The following MYBPC3 variants were observed in gnomAD, a reference collection of about 807,000 sequenced individuals.
The protein encoded by MYBPC3 is myosin binding protein C3, also known as myosin-binding protein C, cardiac-type.
A neutral mutation model predicts 159.3 loss-of-function variants in MYBPC3; 108 were observed. That is an observed-to-expected ratio of 0.68 (90% CI 0.58 to 0.80). The LOEUF (loss-of-function observed/expected upper bound fraction) is 0.80, where lower values mean the gene tolerates loss of function less well. MYBPC3 is among the 30% of genes least tolerant of loss of function. The probability of loss-of-function intolerance (pLI) is 0.00; values close to 1 mark genes in which losing one functional copy is unlikely to be tolerated. For synonymous variants in MYBPC3, 730 were observed against 702.0 expected, an observed-to-expected ratio of 1.04 and a Z score of -0.63; for missense variants, 1,631 against 1,762.1, an observed-to-expected ratio of 0.93 and a Z score of 1.33.
Position 47,341,196 on chromosome 11 carries a change from G to A in MYBPC3, c.1839C>T (p.Asp613=). 1.9e-6 allele frequency: 3 copies of A among 1,596,342 alleles called. No individual in the cohort carries two copies. The highest frequency in any genetic ancestry group is 1.3e-5 in the African/African-American group (1 of 74,546). Reference sequence around the variant, plus strand: ...CGAAGCCCTCGGGCACAAAGCTGTAGTCAGCCTCGTCGGCAGGTGTGACGT... The same window carrying A: ...CGAAGCCCTCGGGCACAAAGCTGTAATCAGCCTCGTCGGCAGGTGTGACGT... The part of the protein sequence containing the change: ...IDDVTPADEA[D]YSFVPEGFAC... Residue 613 remains aspartate (D), a synonymous_variant, in exon 19 of 35, where the codon GAC becomes GAT. Transcript: ENST00000545968.
chr11:47,346,557 G>T lies in MYBPC3; in HGVS notation c.926+70C>A. 1 of 1,522,862 alleles carries T rather than the reference G, an allele frequency of 6.6e-7. No homozygotes were observed. Among genetic ancestry groups the T allele is most frequent in the Non-Finnish European group, 8.9e-7 (1 of 1,126,976 alleles). The allele number at this position is 1,522,862 out of a possible 1,614,324, so 94.3% of individuals were successfully genotyped here. A position where few individuals can be genotyped will look rare whatever the true frequency, so the allele number is the denominator to read the frequency against. On this transcript the variant is annotated intron_variant, in intron 11 of 34. Coordinates refer to ENST00000545968, the MANE Select transcript of MYBPC3 (RefSeq NM_000256.3). The surrounding 1 kb of genome is among the most constrained non-coding windows in gnomAD (Gnocchi z 5.3). ...TGGGGGCCAAGGGAGCTGAAGAGGG[G>T]CTGGGGATCTGGAGGGGCTCCTGGC...
chr11:47,347,562 G>C, intron 8 of MYBPC3, 83 bp from the exon 9 acceptor site: 4 of 1,559,606 alleles, frequency 2.6e-6, no homozygotes, highest in Non-Finnish European at 3.5e-6. Context: ...TGGGGAGGGA[G>C]AAAGGGACAC....
rs376817168 is a variant in MYBPC3 at position 47,349,983 on chromosome 11, C to T, written c.505+31G>A. 543 of 1,561,496 alleles carry T rather than the reference C, an allele frequency of 3.5e-4. 6 individuals carry two copies. In the African/African-American group the frequency reaches 7.1e-3, roughly 20 times the overall value. On this transcript the variant is annotated intron_variant, in intron 4 of 34. Coordinates refer to ENST00000545968, the MANE Select transcript of MYBPC3 (RefSeq NM_000256.3). ...GTGTCCTGCTGCCCCCCCTTCCCACCCCAATGCTGGGCACAGCAGCTCACA... is the reference window on the plus strand; with the variant it reads ...GTGTCCTGCTGCCCCCCCTTCCCACTCCAATGCTGGGCACAGCAGCTCACA...
In MYBPC3 at chr11:47,351,450, G is replaced by A. The variant is rs761547225; in HGVS notation, c.81C>T (p.Ala27=). 3.2e-5 allele frequency: 51 copies of A among 1,602,884 alleles called. 2 individuals are homozygous for A. In the South Asian group the frequency reaches 5.0e-4, roughly 16 times the overall value. ...CCCGCTCTGTCTCGGCCTCGAACAC[G>A]GCAGGGCTGCCTGCGGCCACTTCCA... ...RSVEVAAGSP[A]VFEAETERAG... Residue 27 remains alanine (A), a synonymous_variant, in exon 2 of 35, where the codon GCC becomes GCT. Transcript: ENST00000545968. The surrounding 1 kb of genome is among the most constrained non-coding windows in gnomAD (Gnocchi z 4.2).
Position 47,341,205 on chromosome 11 carries a change from G to A in MYBPC3, c.1830C>T (p.Asp610=), listed in dbSNP as rs768049705. The change falls in exon 19 of 35, where the codon GAC becomes GAT. Residue 610 remains aspartate, a synonymous_variant. Coordinates refer to ENST00000545968, the MANE Select transcript of MYBPC3 (RefSeq NM_000256.3). ...KLTIDDVTPA[D]EADYSFVPEG... ...CGGGCACAAAGCTGTAGTCAGCCTC[G>A]TCGGCAGGTGTGACGTCGTCAATGG... is the stretch of plus-strand genomic sequence containing the variant. 39 of 1,599,000 alleles carry A rather than the reference G, an allele frequency of 2.4e-5. No homozygotes were observed. Among genetic ancestry groups the A allele is most frequent in the Non-Finnish European group, 2.8e-5 (33 of 1,173,074 alleles).
At chr11:47,352,259 T>G (rs1423519364) in intron 1 of MYBPC3, among the ~76,000 whole-genome samples, 1 of 152,164 alleles carries the variant, frequency 6.6e-6, no homozygotes, top group Non-Finnish European at 1.5e-5. Flanking sequence ...GCCGTGAGCC[T>G]GGCTCAGCTC....
In MYBPC3 at chr11:47,333,045, C is replaced by A; in HGVS notation, c.3331-72G>T. The A allele has an allele frequency of 1.9e-6, 3 of 1,544,326 alleles. 1 individual carries two copies. In the South Asian group the frequency reaches 3.6e-5, roughly 19 times the overall value. On this transcript the variant is annotated intron_variant, in intron 30 of 34. Coordinates refer to ENST00000545968, the MANE Select transcript of MYBPC3 (RefSeq NM_000256.3). Reference sequence around the variant, plus strand: ...TGATGCCGAGAGCCTCTCCTGGGTGCCCTTGGCATCTCCACCCCTACTATG... The same window carrying A: ...TGATGCCGAGAGCCTCTCCTGGGTGACCTTGGCATCTCCACCCCTACTATG...
At chr11:47,347,973 G>A in intron 6 of MYBPC3, 68 bp from the exon 7 acceptor site, 1 of 1,441,432 alleles carries the variant, frequency 6.9e-7, no homozygotes, top group Non-Finnish European at 9.5e-7. Context: ...GCCCTGCCCT[G>A]GGGGCGGCCT....
In MYBPC3 at chr11:47,332,836, C is replaced by CT. The variant is rs730880720; in HGVS notation, c.3467dup (p.Pro1157AlafsTer12). On this transcript the variant is annotated frameshift_variant, in exon 31 of 35. Transcript: ENST00000545968. LOFTEE classifies it high-confidence loss of function. The surrounding 1 kb of genome is among the most constrained non-coding windows in gnomAD (Gnocchi z 4.2). ...CACCTGGTCTGGGGATAAAGACGGG[C>CT]TCCTTGGTGGTGGCCGCTCTGTCAC... 1.2e-6 allele frequency: 2 copies of CT among 1,607,390 alleles called. No homozygotes were observed. The highest frequency in any genetic ancestry group is 1.7e-6 in the Non-Finnish European group (2 of 1,176,986).
intron 26 of MYBPC3, 192 bp downstream of exon 26, chr11:47,335,685 T>C (rs1158975726): frequency 6.1e-6 from 3 of 494,080 alleles, no homozygotes; most frequent in Admixed American, 3.9e-5. Context: ...AGTGTTACAG[T>C]CAGCTTTACT....
Position 47,333,577 on chromosome 11 carries a change from G to A in MYBPC3, c.3170C>T (p.Thr1057Met), listed in dbSNP as rs754115924. 91 of 1,600,708 alleles carry A rather than the reference G, an allele frequency of 5.7e-5. No individual in the cohort carries two copies. The highest frequency in any genetic ancestry group is 7.2e-5 in the Non-Finnish European group (85 of 1,179,820). ...CGCACCAACAACCTGCAGCACCAGC[G>A]TGGCCTTGTCCTCCATGTTCTCAAT... ...VRIENMEDKATLVLQVVDKPS... is the reference protein window; with the variant it reads ...VRIENMEDKAMLVLQVVDKPS... Residue 1057 changes from threonine (T) to methionine (M), a missense_variant, in exon 29 of 35, where the codon ACG (threonine) becomes ATG (methionine). Coordinates refer to ENST00000545968, the MANE Select transcript of MYBPC3 (RefSeq NM_000256.3).
In MYBPC3 at chr11:47,332,940, T is replaced by A. The variant is rs996588721; in HGVS notation, c.3364A>T (p.Thr1122Ser). 4.3e-6 allele frequency: 7 copies of A among 1,610,604 alleles called. No homozygotes were observed. Among genetic ancestry groups the A allele is most frequent in the Middle Eastern group, 1.7e-4 (1 of 6,054 alleles). The change falls in exon 31 of 35, where the codon ACC (threonine) becomes TCC (serine). Residue 1122 changes from threonine to serine, a missense_variant. Coordinates refer to ENST00000545968, the MANE Select transcript of MYBPC3 (RefSeq NM_000256.3). The surrounding 1 kb of genome is among the most constrained non-coding windows in gnomAD (Gnocchi z 4.2). ...ATGAGCTCTGGCACCACGCAGTGGG[T>A]GCGGCGGTAATGCTCCAAGACGGTG... ...WFTVLEHYRR[T>S]HCVVPELIIG...
intron 12 of MYBPC3, among the ~76,000 whole-genome samples, chr11:47,345,518 C>T (rs1476304358): frequency 5.3e-5 from 8 of 152,106 alleles, no homozygotes; most frequent in South Asian, 2.1e-4. Context: ...TCCATTCAGT[C>T]GGTGTTTATA....
rs747912257 is a variant in MYBPC3, at chr11:47,337,764, A to C, written c.2339T>G (p.Ile780Ser). 3 of 1,553,840 alleles carry C rather than the reference A, an allele frequency of 1.9e-6. No homozygotes were observed. Among genetic ancestry groups the C allele is most frequent in the South Asian group, 2.4e-5 (2 of 84,370 alleles). The change falls in exon 24 of 35, where the codon ATC becomes AGC. Residue 780 changes from isoleucine (I) to serine (S), a missense_variant. By Grantham distance (142) the Ile-to-Ser change is moderately radical (BLOSUM62 -2). Coordinates refer to ENST00000545968, the MANE Select transcript of MYBPC3 (RefSeq NM_000256.3). ...DVPDAPAAPK[I>S]SNVGEDSCTV... ...GCAGGAGTCCTCTCCCACGTTGCTG[A>C]TCTTGGGGGCCGCAGGTGCGTCTGG...
At chr11:47,339,175 G>A (rs2095885685) in intron 22 of MYBPC3, 149 bp downstream of exon 22, 1 of 807,004 alleles carries the variant, frequency 1.2e-6, no homozygotes, top group East Asian at 2.5e-5. Context: ...TGCCTGAGGT[G>A]TGAGGGCCCC....
chr11:47,351,538 T>C lies in MYBPC3; in HGVS notation c.26-33A>G, dbSNP rs770273239. 1 of 1,547,754 alleles carries C rather than the reference T, an allele frequency of 6.5e-7. No homozygotes were observed. The highest frequency in any genetic ancestry group is 1.2e-5 in the South Asian group (1 of 81,812). Reference sequence around the variant, plus strand: ...GCCAGGTGGAGGCTACAGCGGCCCCTGGTTGGAGCGTGCACCCCGCCCCTG... The same window carrying C: ...GCCAGGTGGAGGCTACAGCGGCCCCCGGTTGGAGCGTGCACCCCGCCCCTG... On this transcript the variant is annotated intron_variant, in intron 1 of 34. Transcript: ENST00000545968. This position sits in a 1 kb window ranked among gnomAD's most constrained non-coding sequence, Gnocchi z 4.2.
At chr11:47,334,639 C>A (rs1196348161) in intron 27 of MYBPC3, among the ~76,000 whole-genome samples, 7 of 152,004 alleles carry the variant, frequency 4.6e-5, no homozygotes, top group Admixed American at 4.6e-4. Context: ...CAGCTCATTG[C>A]AACTGCCACC....
intron 2 of MYBPC3, 108 bp from the exon 3 acceptor site, chr11:47,350,723 T>G (rs2095899894): frequency 2.9e-6 from 4 of 1,378,678 alleles, no homozygotes; most frequent in East Asian, 6.0e-5. Flanking sequence ...GAGGAAAGTC[T>G]GCCATGGCTG....
chr11:47,350,511 T>A lies in MYBPC3; in HGVS notation c.397A>T (p.Ser133Cys). 1 of 1,558,260 alleles carries A rather than the reference T, an allele frequency of 6.4e-7. No individual in the cohort carries two copies. The highest frequency in any genetic ancestry group is 2.4e-5 in the East Asian group (1 of 42,162). ...PAAELGESAP[S>C]PKGSSSAALN... The stretch of plus-strand genomic sequence containing the variant: ...GCCCAGCCCCTCTCACCTTTGGGAC[T>A]TGGGGCACTTTCTCCCAGCTCAGCG... The change falls in exon 3 of 35, where the codon AGT becomes TGT. Residue 133 changes from serine (S) to cysteine (C), a missense_variant. Physicochemically the swap from Ser to Cys is moderately radical, Grantham distance 112. Coordinates refer to ENST00000545968, the MANE Select transcript of MYBPC3 (RefSeq NM_000256.3).
Sources: gnomAD v4.1 joint callset for allele counts (sites outside exome capture counted in the v4.1 genomes callset) on GRCh38, gnomAD v4.1.1 for gene constraint, Gnocchi (gnomAD v3.1) non-coding constraint, MANE v1.5 for transcripts, NCBI Gene and HGNC (gene_info 2026-07-23, HGNC 2026-07-21) for gene names.